TSPEAR: variants seen among roughly 807,000 people sequenced by gnomAD.
TSPEAR encodes the protein thrombospondin type laminin G domain and EAR repeats.
A neutral mutation model predicts 71.6 loss-of-function variants in TSPEAR; 69 were observed. The ratio of observed to expected loss-of-function variants is 0.96; its 90% CI spans 0.79 to 1.18. TSPEAR has a LOEUF of 1.18. Ranked by LOEUF, TSPEAR falls within the 50% of genes most tolerant of loss-of-function variation. The probability of loss-of-function intolerance (pLI) is 0.00; values close to 1 mark genes in which losing one functional copy is unlikely to be tolerated. For missense variants in TSPEAR, 971 were observed against 894.9 expected, an observed-to-expected ratio of 1.09 and a Z score of -1.09; for synonymous variants, 402 against 387.2, an observed-to-expected ratio of 1.04 and a Z score of -0.45.
intron 10 of TSPEAR, among the ~76,000 whole-genome samples, chr21:44,505,758 G>A (rs909608561): frequency 6.6e-6 from 1 of 151,920 alleles, no homozygotes; most frequent in Admixed American, 6.6e-5. Context: ...CCTTTCTAAG[G>A]CCGAGTAACG....
intron 9 of TSPEAR, among the ~76,000 whole-genome samples, chr21:44,513,323 CA>C: frequency 6.6e-6 from 1 of 152,208 alleles, no homozygotes; most frequent in East Asian, 1.9e-4. Context: ...AGGTGCCCCC[CA>C]GGGGCTGTGC....
chr21:44,631,094 A>G (rs1278363571), intron 1 of TSPEAR, among the ~76,000 whole-genome samples: 1 of 149,844 alleles, frequency 6.7e-6, no homozygotes, highest in Non-Finnish European at 1.5e-5. Context: ...AAAAAAGCCA[A>G]GTAGTGAAAA....
intron 4 of TSPEAR, 123 bp downstream of exon 4, chr21:44,530,920 G>T (rs374718797): frequency 2.5e-6 from 2 of 797,470 alleles, no homozygotes; most frequent in African/African-American, 3.4e-5. Flanking sequence ...CTCCACGCAC[G>T]CTGTACCTTC....
At chr21:44,538,430 CCCCCCCA>C (rs2053132859) in intron 2 of TSPEAR, among the ~76,000 whole-genome samples, 3 of 144,716 alleles carry the variant, frequency 2.1e-5, no homozygotes, top group Admixed American at 6.6e-5. Flanking sequence ...CTGCCCCCCC[CCCCCCCA>C]AGAGGAGAAC....
intron 1 of TSPEAR, among the ~76,000 whole-genome samples, chr21:44,616,103 C>G (rs952522555): frequency 6.6e-6 from 1 of 152,036 alleles, no homozygotes; most frequent in African/African-American, 2.4e-5. Context: ...AGCGTGTCGG[C>G]GGGCACCTCC....
At chr21:44,706,088 A>G (rs1987897859) in intron 1 of TSPEAR, among the ~76,000 whole-genome samples, 1 of 152,148 alleles carries the variant, frequency 6.6e-6, no homozygotes, top group Admixed American at 6.5e-5. Flanking sequence ...AGGTCCCCCG[A>G]TAACCCCCAG....
chr21:44,638,036 C>T (rs782527032), intron 1 of TSPEAR: 20 of 1,613,122 alleles, frequency 1.2e-5, no homozygotes, highest in South Asian at 2.2e-5. Flanking sequence ...CGTGCCCGTC[C>T]CCTCCTGCGG....
chr21:44,630,750 A>G (rs1983210977), intron 1 of TSPEAR, among the ~76,000 whole-genome samples: 2 of 152,186 alleles, frequency 1.3e-5, no homozygotes, highest in Admixed American at 1.3e-4. Context: ...GGACCAACAC[A>G]CAGAGTCCAG....
intron 9 of TSPEAR, among the ~76,000 whole-genome samples, chr21:44,521,625 G>A (rs1178960936): frequency 1.2e-4 from 19 of 152,372 alleles, no homozygotes; most frequent in Admixed American, 9.8e-4. Flanking sequence ...GCCAGGGTGC[G>A]CCTCCTGCCT....
rs541926100 is a variant in TSPEAR, at chr21:44,711,273, G to T, written c.82+160C>A. On this transcript the variant is annotated intron_variant, in intron 1 of 11. Transcript: ENST00000323084. This position sits in a 1 kb window ranked among gnomAD's most constrained non-coding sequence, Gnocchi z 4.5. ...CATCTTCCCCACCTGTGCTCCTCCC[G>T]CCTCTGCCCATCTCCACAGGGTGCT... 2.6e-5 allele frequency among the ~76,000 whole-genome samples: 4 copies of T among 152,006 alleles called. No individual in the cohort carries two copies. Among genetic ancestry groups the T allele is most frequent in the Non-Finnish European group, 5.9e-5 (4 of 68,016 alleles).
At chr21:44,534,543 C>T (rs980181222) in intron 2 of TSPEAR, among the ~76,000 whole-genome samples, 4 of 151,840 alleles carry the variant, frequency 2.6e-5, no homozygotes, top group South Asian at 2.1e-4. Context: ...GGCGCCAGGC[C>T]GTAGGGACCG....
chr21:44,678,100 G>A (rs1986408701), intron 1 of TSPEAR: 5 of 634,046 alleles, frequency 7.9e-6, no homozygotes, highest in Admixed American at 2.4e-5. Context: ...TCGAGCGGAC[G>A]GTGCTGCTGG....
intron 1 of TSPEAR, among the ~76,000 whole-genome samples, chr21:44,606,704 A>T (rs971788200): frequency 1.3e-5 from 2 of 152,222 alleles, no homozygotes; most frequent in South Asian, 4.1e-4. Context: ...AAGGAGAAAA[A>T]TTCTGTCATT....
intron 1 of TSPEAR, among the ~76,000 whole-genome samples, chr21:44,606,552 T>C (rs1180127477): frequency 6.6e-6 from 1 of 152,200 alleles, no homozygotes; most frequent in East Asian, 1.9e-4. Flanking sequence ...AATCATTCTT[T>C]TGGGGAGAGG....
chr21:44,626,486 A>G (rs1354712849), intron 1 of TSPEAR, among the ~76,000 whole-genome samples: 1 of 152,080 alleles, frequency 6.6e-6, no homozygotes, highest in Non-Finnish European at 1.5e-5. Context: ...CGGGTTCAGA[A>G]CCCGAAACCA....
At chr21:44,685,345 G>A (rs1357083056) in intron 1 of TSPEAR, among the ~76,000 whole-genome samples, 1 of 152,012 alleles carries the variant, frequency 6.6e-6, no homozygotes, top group Non-Finnish European at 1.5e-5. Flanking sequence ...GGAGTGTGAG[G>A]AGGAGCGTGC....
At chr21:44,682,141 T>C in intron 1 of TSPEAR, 1 of 1,611,688 alleles carries the variant, frequency 6.2e-7, no homozygotes. Flanking sequence ...TGTGGCTGGA[T>C]AAGGTCGAGG....
At chr21:44,518,556 C>T in intron 9 of TSPEAR, 1 of 441,382 alleles carries the variant, frequency 2.3e-6, no homozygotes, top group Non-Finnish European at 4.8e-6. Context: ...AGCAGCCTCT[C>T]CGTGGCACAA....
chr21:44,649,824 G>T (rs183864788), intron 1 of TSPEAR, among the ~76,000 whole-genome samples: 1 of 152,292 alleles, frequency 6.6e-6, no homozygotes, highest in Non-Finnish European at 1.5e-5. Flanking sequence ...CCTTCCCAAG[G>T]AACCACGATG....
Sources: allele counts gnomAD v4.1 joint callset (sites outside exome capture counted in the v4.1 genomes callset), GRCh38; gene constraint gnomAD v4.1.1; non-coding constraint Gnocchi (gnomAD v3.1); transcripts MANE v1.5; gene names NCBI Gene and HGNC (gene_info 2026-07-23, HGNC 2026-07-21).